Variants in PPP3CA observed in about 807,000 individuals in gnomAD.
PPP3CA encodes the protein protein phosphatase 3 catalytic subunit alpha, also known as CAM-PRP catalytic subunit.
In PPP3CA, 14 loss-of-function variants were observed where a neutral mutation model predicts 66.5. The observed-to-expected ratio is 0.21, with a 90% confidence interval of 0.14 to 0.33. The LOEUF (loss-of-function observed/expected upper bound fraction) is 0.33. PPP3CA is among the 10% of genes least tolerant of loss of function. The probability of loss-of-function intolerance (pLI) is 1.00; values close to 1 mark genes in which losing one functional copy is unlikely to be tolerated. For missense variants in PPP3CA, 317 were observed against 639.5 expected, an observed-to-expected ratio of 0.50 and a Z score of 5.44; for synonymous variants, 232 against 226.2, an observed-to-expected ratio of 1.03 and a Z score of -0.23.
chr4:101,109,930 G>A (rs1388462054), intron 2 of PPP3CA, among the ~76,000 whole-genome samples: 1 of 151,980 alleles, frequency 6.6e-6, no homozygotes, highest in Non-Finnish European at 1.5e-5. Context: ...CAGTTATACA[G>A]ATAATGAAAT....
chr4:101,079,498 C>T (rs1729342301), intron 8 of PPP3CA, among the ~76,000 whole-genome samples: 1 of 151,918 alleles, frequency 6.6e-6, no homozygotes, highest in South Asian at 2.1e-4. Flanking sequence ...CCTGCCTCAG[C>T]CTCCCGAGTA....
intron 11 of PPP3CA, among the ~76,000 whole-genome samples, chr4:101,038,009 CCT>C (rs1727328675): frequency 6.6e-6 from 1 of 152,184 alleles, no homozygotes; most frequent in Admixed American, 6.5e-5. Context: ...CTCTGCTTAG[CCT>C]CTCTCAGATT....
At chr4:101,225,241 T>C (rs1725744198) in intron 1 of PPP3CA, among the ~76,000 whole-genome samples, 2 of 133,332 alleles carry the variant, frequency 1.5e-5, no homozygotes, top group Non-Finnish European at 3.3e-5. Context: ...GTCACTAGAA[T>C]GGAAGCTTCA....
At chr4:101,142,030 A>G (rs1163179855) in intron 2 of PPP3CA, among the ~76,000 whole-genome samples, 1 of 148,972 alleles carries the variant, frequency 6.7e-6, no homozygotes, top group East Asian at 2.0e-4. Context: ...ATTTCACACC[A>G]TTTAGAGGAG....
rs1455670548 is a variant in PPP3CA at position 101,023,859 on chromosome 4, T to TATC, written c.*2003_*2005dup. 1.2e-4 allele frequency: 18 copies of TATC among 152,662 alleles called. No individual in the cohort carries two copies. The highest frequency in any genetic ancestry group is 4.1e-4 in the African/African-American group (17 of 41,452). The allele number at this position is 152,662 out of a possible 1,614,324, so 9.5% of individuals were successfully genotyped here. On this transcript the variant is annotated 3_prime_UTR_variant, in exon 14 of 14. Transcript: ENST00000394854. ...GTTACAAACAAACTGAAATTTGGTGTATCTTAAATCTTCGGGTGATGATTA... is the reference window on the plus strand; with the variant it reads ...GTTACAAACAAACTGAAATTTGGTGTATCATCTTAAATCTTCGGGTGATGATTA...
At chr4:101,292,031 G>A (rs1421893154) in intron 1 of PPP3CA, among the ~76,000 whole-genome samples, 7 of 150,954 alleles carry the variant, frequency 4.6e-5, no homozygotes, top group Non-Finnish European at 2.9e-5. Context: ...AGAGACTGAA[G>A]TGGGAGGATC....
chr4:101,134,446 C>T (rs1722549167), intron 2 of PPP3CA, among the ~76,000 whole-genome samples: 1 of 152,156 alleles, frequency 6.6e-6, no homozygotes, highest in Admixed American at 6.5e-5. Flanking sequence ...AGACACTTTT[C>T]AAAAGAAGAC....
chr4:101,259,606 G>C (rs1726951722), intron 1 of PPP3CA, among the ~76,000 whole-genome samples: 1 of 152,020 alleles, frequency 6.6e-6, no homozygotes, highest in South Asian at 2.1e-4. Context: ...AACCTGGTCA[G>C]GATTATAAAG....
At chr4:101,333,280 T>TG (rs1378112425) in intron 1 of PPP3CA, among the ~76,000 whole-genome samples, 3 of 86,902 alleles carry the variant, frequency 3.5e-5, no homozygotes, top group South Asian at 3.9e-4. Context: ...GTTTTTTTTT[T>TG]TTTTTTTTTT....
chr4:101,039,741 C>CA (rs1324823706), intron 11 of PPP3CA, among the ~76,000 whole-genome samples: 2 of 143,732 alleles, frequency 1.4e-5, no homozygotes, highest in East Asian at 3.9e-4. Context: ...AAAAATTTGG[C>CA]AAAAAATTTG....
chr4:101,083,787 G>C (rs139365618), intron 6 of PPP3CA, among the ~76,000 whole-genome samples: 527 of 152,234 alleles, frequency 3.5e-3, no homozygotes, highest in African/African-American at 0.012. Context: ...CTCCCATACG[G>C]TGGGAAATCA....
chr4:101,199,020 G>A (rs992497506), intron 1 of PPP3CA, among the ~76,000 whole-genome samples: 4 of 152,156 alleles, frequency 2.6e-5, no homozygotes, highest in African/African-American at 9.7e-5. Flanking sequence ...AAGATGAGCA[G>A]TAATGATGCC....
At chr4:101,112,734 C>G (rs1238458151) in intron 2 of PPP3CA, among the ~76,000 whole-genome samples, 7 of 152,126 alleles carry the variant, frequency 4.6e-5, no homozygotes, top group African/African-American at 1.7e-4. Context: ...TACAAAGGAG[C>G]AAACTCCCTC....
intron 2 of PPP3CA, among the ~76,000 whole-genome samples, chr4:101,144,181 C>T (rs1031831306): frequency 2.6e-5 from 4 of 152,190 alleles, no homozygotes; most frequent in Non-Finnish European, 4.4e-5. Flanking sequence ...TTGCTCCCTC[C>T]AGCACTAACT....
At chr4:101,036,180 C>A (rs1478896402) in intron 11 of PPP3CA, among the ~76,000 whole-genome samples, 1 of 152,166 alleles carries the variant, frequency 6.6e-6, no homozygotes, top group Non-Finnish European at 1.5e-5. Flanking sequence ...GTTAAACAGA[C>A]TGTATTATAA....
intron 2 of PPP3CA, among the ~76,000 whole-genome samples, chr4:101,167,424 G>A (rs1578514303): frequency 6.6e-6 from 1 of 152,080 alleles, no homozygotes; most frequent in African/African-American, 2.4e-5. Context: ...AATCGTTACC[G>A]AATATGTGTA....
At chr4:101,033,287 C>CACAA (rs1267502763) in intron 11 of PPP3CA, among the ~76,000 whole-genome samples, 541 of 71,766 alleles carry the variant, frequency 7.5e-3, no homozygotes, top group African/African-American at 0.02. Context: ...CACACACACA[C>CACAA]ACACAAACAC....
rs533490607 is a variant in PPP3CA at position 101,073,889 on chromosome 4, T to C, written c.955+6643A>G. Among the ~76,000 whole-genome samples, 6 of 152,312 alleles carry C rather than the reference T, an allele frequency of 3.9e-5. No individual in the cohort carries two copies. In the South Asian group the frequency reaches 1.0e-3, roughly 26 times the overall value. On this transcript the variant is annotated intron_variant, in intron 8 of 13. Transcript: ENST00000394854. Reference sequence around the variant, plus strand: ...TACCAAATATACTGCCCTGACTGTATGTTTACGTTTTTTATACTGCAGTAA... The same window carrying C: ...TACCAAATATACTGCCCTGACTGTACGTTTACGTTTTTTATACTGCAGTAA...
intron 1 of PPP3CA, among the ~76,000 whole-genome samples, chr4:101,329,135 T>C (rs1219177571): frequency 6.6e-6 from 1 of 152,116 alleles, no homozygotes; most frequent in African/African-American, 2.4e-5. Flanking sequence ...ACATCCAAGT[T>C]GTGAATGCAA....
Sources: gnomAD v4.1 joint callset for allele counts (sites outside exome capture counted in the v4.1 genomes callset) on GRCh38, gnomAD v4.1.1 for gene constraint, MANE v1.5 for transcripts, NCBI Gene and HGNC (gene_info 2026-07-23, HGNC 2026-07-21) for gene names.